The following DLC1 variants were observed in gnomAD, a reference collection of about 807,000 sequenced individuals.
DLC1 encodes DLC1 Rho GTPase activating protein, also known as rho GTPase-activating protein 7.
A neutral mutation model predicts 140.3 loss-of-function variants in DLC1; 54 were observed. That is an observed-to-expected ratio of 0.38 (90% CI 0.31 to 0.48). DLC1 has a LOEUF of 0.48. DLC1 is among the 20% of genes least tolerant of loss of function. The pLI is 0.96. For synonymous variants in DLC1, 986 were observed against 728.1 expected (o/e 1.35, Z -5.70); for missense variants, 2,536 against 1,907.0 (o/e 1.33, Z -6.14).
chr8:13,468,036 C>T (rs534109602), intron 2 of DLC1, among the ~76,000 whole-genome samples: 16 of 152,216 alleles, frequency 1.1e-4, no homozygotes, highest in Non-Finnish European at 1.6e-4. Flanking sequence ...GAAGAGTTTA[C>T]AAGAAATCGA....
At chr8:13,318,377 T>C (rs1832943648) in intron 4 of DLC1, among the ~76,000 whole-genome samples, 1 of 152,152 alleles carries the variant, frequency 6.6e-6, no homozygotes, top group Admixed American at 6.5e-5. Context: ...AGTGTTACTA[T>C]ATTATTCTAT....
rs985095703 is a variant in DLC1, at chr8:13,481,469, G to A, written c.1023+17580C>T. The stretch of plus-strand genomic sequence containing the variant: ...ATAAAACAAACAAACAGAAGAATAA[G>A]CATTTTAAATAAAATAAATAACTGA... On this transcript the variant is annotated intron_variant, in intron 2 of 17. Coordinates refer to ENST00000276297, the MANE Select transcript of DLC1 (RefSeq NM_182643.3). 3.4e-4 allele frequency among the ~76,000 whole-genome samples: 52 copies of A among 151,940 alleles called. 1 individual carries two copies. The highest frequency in any genetic ancestry group is 3.4e-3 in the Admixed American group (52 of 15,236).
chr8:13,528,467 A>C (rs998049282), intron 1 of DLC1, among the ~76,000 whole-genome samples: 3 of 152,218 alleles, frequency 2.0e-5, no homozygotes, highest in African/African-American at 7.2e-5. Flanking sequence ...TGTTTGAAAG[A>C]GTTTGTAAAA....
chr8:13,460,910 T>A (rs1367123143), intron 2 of DLC1, among the ~76,000 whole-genome samples: 1 of 152,156 alleles, frequency 6.6e-6, no homozygotes, highest in Non-Finnish European at 1.5e-5. Context: ...CAGGGTCCTG[T>A]GCGTGTAAAA....
intron 5 of DLC1, among the ~76,000 whole-genome samples, chr8:13,301,813 A>G (rs1042201132): frequency 2.0e-5 from 3 of 152,180 alleles, no homozygotes; most frequent in Non-Finnish European, 4.4e-5. Context: ...GAGAAGCATG[A>G]ACCCTGTTGT....
At chr8:13,587,101 C>G (rs976950095) in intron 1 of DLC1, among the ~76,000 whole-genome samples, 4 of 151,210 alleles carry the variant, frequency 2.6e-5, no homozygotes, top group African/African-American at 9.7e-5. Flanking sequence ...CACACACACA[C>G]ACACATTCAT....
At chr8:13,435,787 T>C (rs912709101) in intron 2 of DLC1, among the ~76,000 whole-genome samples, 3 of 152,318 alleles carry the variant, frequency 2.0e-5, no homozygotes, top group Non-Finnish European at 2.9e-5. Flanking sequence ...TATGCTACTC[T>C]GGGGAAAATG....
chr8:13,215,204 C>T (rs1409712115), intron 5 of DLC1, among the ~76,000 whole-genome samples: 4 of 152,080 alleles, frequency 2.6e-5, no homozygotes, highest in Non-Finnish European at 4.4e-5. Flanking sequence ...ATTTCCCAAA[C>T]GTCTTACAAA....
At chr8:13,117,746 G>A (rs964049398) in intron 5 of DLC1, among the ~76,000 whole-genome samples, 4 of 152,134 alleles carry the variant, frequency 2.6e-5, no homozygotes, top group African/African-American at 4.8e-5. Context: ...CTTTTTTGAC[G>A]ATAGTCAGAC....
At chr8:13,596,654 T>G (rs1805689533) in intron 1 of DLC1, among the ~76,000 whole-genome samples, 1 of 151,990 alleles carries the variant, frequency 6.6e-6, no homozygotes. Flanking sequence ...GAGATAAATT[T>G]GGGAGTCTTT....
chr8:13,221,359 G>GTTTTC (rs1403213271), intron 5 of DLC1, among the ~76,000 whole-genome samples: 1 of 150,056 alleles, frequency 6.7e-6, no homozygotes, highest in Non-Finnish European at 1.5e-5. Context: ...GCTTCCAAAG[G>GTTTTC]TTTTCTTTTC....
chr8:13,207,238 T>C (rs1827710845), intron 5 of DLC1, among the ~76,000 whole-genome samples: 1 of 152,156 alleles, frequency 6.6e-6, no homozygotes, highest in Admixed American at 6.6e-5. Context: ...ATTCAAAATA[T>C]AAAAATGCAA....
chr8:13,541,489 G>A (rs1803482280), intron 1 of DLC1, among the ~76,000 whole-genome samples: 1 of 152,134 alleles, frequency 6.6e-6, no homozygotes, highest in Admixed American at 6.6e-5. Flanking sequence ...TAGTAAATGT[G>A]TAGTGTTATC....
intron 2 of DLC1, among the ~76,000 whole-genome samples, chr8:13,419,687 G>A (rs886430015): frequency 3.3e-5 from 5 of 152,084 alleles, no homozygotes; most frequent in African/African-American, 9.7e-5. Context: ...TTTTGGTTGT[G>A]TCTCTGCCCA....
intron 5 of DLC1, among the ~76,000 whole-genome samples, chr8:13,171,182 A>G (rs943734922): frequency 1.3e-5 from 2 of 152,234 alleles, no homozygotes; most frequent in African/African-American, 4.8e-5. Context: ...CAAGAAAGAA[A>G]GAAAGAGTTG....
In DLC1 at chr8:13,401,492, G is replaced by A; in HGVS notation, c.1151C>T (p.Thr384Ile). ...CACAGGAACGTGCCGCCGCAGGTTTGTTGGTGTGCCTGATGGAGAGGAGCT... is the reference window on the plus strand; with the variant it reads ...CACAGGAACGTGCCGCCGCAGGTTTATTGGTGTGCCTGATGGAGAGGAGCT... Reference protein sequence around the residue: ...STSSSPSGTPTNLRRHVPDLE... With the variant: ...STSSSPSGTPINLRRHVPDLE... The change falls in exon 3 of 18, where the codon ACA becomes ATA. Residue 384 changes from threonine to isoleucine, a missense_variant. Transcript: ENST00000276297. 1.9e-6 allele frequency: 3 copies of A among 1,612,618 alleles called. No homozygotes were observed. The highest frequency in any genetic ancestry group is 2.5e-6 in the Non-Finnish European group (3 of 1,179,980).
chr8:13,307,802 A>G, intron 4 of DLC1, among the ~76,000 whole-genome samples: 1 of 152,194 alleles, frequency 6.6e-6, no homozygotes, highest in Non-Finnish European at 1.5e-5. Context: ...CCTGGAAGGT[A>G]AAGTAACTTT....
intron 5 of DLC1, among the ~76,000 whole-genome samples, chr8:13,238,003 A>G (rs1236049300): frequency 6.6e-6 from 1 of 152,222 alleles, no homozygotes; most frequent in African/African-American, 2.4e-5. Context: ...TGAAAATGCC[A>G]TCCTAACATC....
At chr8:13,198,850 G>A (rs1033707451) in intron 5 of DLC1, among the ~76,000 whole-genome samples, 1 of 151,792 alleles carries the variant, frequency 6.6e-6, no homozygotes, top group African/African-American at 2.4e-5. Context: ...CCAAGTAGCT[G>A]GGATTACAGA....
Sources: allele counts gnomAD v4.1 joint callset (sites outside exome capture counted in the v4.1 genomes callset), GRCh38; gene constraint gnomAD v4.1.1; transcripts MANE v1.5; gene names NCBI Gene and HGNC (gene_info 2026-07-23, HGNC 2026-07-21).